Variants in LSG1 observed in about 807,000 individuals in gnomAD.
The protein encoded by LSG1 is large 60S subunit nuclear export GTPase 1, also known as large subunit GTPase 1 homolog.
Under a neutral mutation model 82.6 loss-of-function variants are expected in LSG1, and 55 were observed. The observed-to-expected ratio is 0.67, with a 90% confidence interval of 0.54 to 0.83. LSG1 has a LOEUF of 0.83. Among genes scored for constraint, LSG1 ranks in the 40% least tolerant of loss-of-function variants. The pLI, the probability that LSG1 is intolerant of heterozygous loss-of-function variation, is 0.00. For missense variants in LSG1, 809 were observed against 807.9 expected, an observed-to-expected ratio of 1.00 and a Z score of -0.02; for synonymous variants, 272 against 282.5, an observed-to-expected ratio of 0.96 and a Z score of 0.37.
chr3:194,661,497 AGG>A (rs768796488), intron 5 of LSG1, among the ~76,000 whole-genome samples: 6 of 152,234 alleles, frequency 3.9e-5, no homozygotes, highest in Non-Finnish European at 8.8e-5. Context: ...ATGTAGCAGG[AGG>A]GGTCTACACA....
intron 7 of LSG1, 23 bp from the exon 8 acceptor site, chr3:194,653,165 C>A: frequency 1.2e-6 from 2 of 1,601,902 alleles, no homozygotes; most frequent in South Asian, 2.2e-5. Flanking sequence ...TAGAAACGCT[C>A]AGAAGTATAT....
intron 5 of LSG1, among the ~76,000 whole-genome samples, chr3:194,664,388 T>C (rs1718991486): frequency 6.6e-6 from 1 of 152,248 alleles, no homozygotes; most frequent in Non-Finnish European, 1.5e-5. Flanking sequence ...TGAAGGGTCC[T>C]TGTTGAAAAC....
intron 12 of LSG1, chr3:194,645,495 T>TACATACAC (rs1228412103): frequency 4.7e-4 from 29 of 62,028 alleles, no homozygotes; most frequent in African/African-American, 2.0e-3. Flanking sequence ...AGCTTAGTGC[T>TACATACAC]ACACACACAC....
At chr3:194,665,447 T>A in intron 5 of LSG1, 110 bp downstream of exon 5, 1 of 668,232 alleles carries the variant, frequency 1.5e-6, no homozygotes, top group Non-Finnish European at 2.6e-6. Context: ...TCAGTAACCC[T>A]CTGCATAGCT....
rs773586558 is a variant in LSG1 at position 194,651,017 on chromosome 3, T to C, written c.1283A>G (p.Tyr428Cys). 4.3e-6 allele frequency: 7 copies of C among 1,613,790 alleles called. No homozygotes were observed. The highest frequency in any genetic ancestry group is 2.2e-5 in the East Asian group (1 of 44,884). Reference protein sequence around the residue: ...PGHTKHFQTLYVEPGLCLCDC... With the variant: ...PGHTKHFQTLCVEPGLCLCDC... ...ACACAGGCAGAGGCCAGGCTCCACA[T>C]AGAGAGTCTGGAAGACAAGCAAGAG... Residue 428 changes from tyrosine to cysteine, a missense_variant, in exon 10 of 14, where the codon TAT becomes TGT. Transcript: ENST00000265245.
At chr3:194,665,532 T>C (rs1357446521) in intron 5 of LSG1, 25 bp downstream of exon 5, 1 of 1,565,730 alleles carries the variant, frequency 6.4e-7, no homozygotes, top group Non-Finnish European at 8.8e-7. Flanking sequence ...ATGTCTTTAT[T>C]ACACAAAAGA....
intron 5 of LSG1, among the ~76,000 whole-genome samples, chr3:194,660,560 C>T (rs1254702521): frequency 6.6e-6 from 1 of 152,168 alleles, no homozygotes; most frequent in South Asian, 2.1e-4. Context: ...CCTAATCTGC[C>T]CTCATGTTAA....
intron 10 of LSG1, among the ~76,000 whole-genome samples, chr3:194,649,412 G>GGT (rs1436918258): frequency 7.2e-5 from 11 of 152,034 alleles, no homozygotes; most frequent in Non-Finnish European, 1.6e-4. Flanking sequence ...GGCCAGGCGT[G>GGT]GTGGCTCACG....
chr3:194,649,848 AAAC>A, intron 10 of LSG1, among the ~76,000 whole-genome samples: 1 of 152,258 alleles, frequency 6.6e-6, no homozygotes, highest in East Asian at 1.9e-4. Flanking sequence ...AGTATCTACA[AAAC>A]AATAATAGAC....
chr3:194,656,493 A>G (rs1352393855), intron 7 of LSG1, among the ~76,000 whole-genome samples: 2 of 151,928 alleles, frequency 1.3e-5, no homozygotes, highest in Admixed American at 1.3e-4. Context: ...AAAAGTCAGG[A>G]AACAACAGGT....
In LSG1 at chr3:194,641,819, T is replaced by C. The variant is rs186206462; in HGVS notation, c.*249A>G. 1,245 of 358,966 alleles carry C rather than the reference T, an allele frequency of 3.5e-3. 10 individuals are homozygous for C. Among genetic ancestry groups the C allele is most frequent in the Non-Finnish European group, 4.0e-3 (797 of 200,726 alleles). The allele number at this position is 358,966 out of a possible 1,614,324, so 22.2% of individuals were successfully genotyped here. A position where few individuals can be genotyped will look rare whatever the true frequency, so the allele number is the denominator to read the frequency against. On this transcript the variant is annotated 3_prime_UTR_variant, in exon 14 of 14. Coordinates refer to ENST00000265245, the MANE Select transcript of LSG1 (RefSeq NM_018385.3). Reference sequence around the variant, plus strand: ...TTAGTAGAGACGGGGTTTCTCCATGTTGGTGCGTGAGCCACTGTGCCCGGC... The same window carrying C: ...TTAGTAGAGACGGGGTTTCTCCATGCTGGTGCGTGAGCCACTGTGCCCGGC...
rs760513668 is a variant in LSG1, at chr3:194,672,111, G to A, written c.52C>T (p.Arg18Cys). The change falls in exon 1 of 14, where the codon CGC becomes TGC. Residue 18 changes from arginine to cysteine, a missense_variant. Coordinates refer to ENST00000265245, the MANE Select transcript of LSG1 (RefSeq NM_018385.3). ...CTTCGGCTCCGCTGAGTCTGATGGC[G>A]CATAAGGGCCCGTCCCAGCGACCCA... ...AGGSLGRALMRHQTQRSRSHR... is the reference protein window; with the variant it reads ...AGGSLGRALMCHQTQRSRSHR... 6 of 1,609,528 alleles carry A rather than the reference G, an allele frequency of 3.7e-6. No homozygotes were observed. The Admixed American group carries it at 5.0e-5, about 13-fold the overall frequency.
At chr3:194,661,508 C>T (rs549976133) in intron 5 of LSG1, among the ~76,000 whole-genome samples, 30 of 152,328 alleles carry the variant, frequency 2.0e-4, no homozygotes, top group African/African-American at 7.0e-4. Flanking sequence ...GGGGTCTACA[C>T]AGCACAATGG....
intron 7 of LSG1, among the ~76,000 whole-genome samples, chr3:194,656,170 G>C (rs9877156): frequency 0.61 from 92,144 of 150,474 alleles, 29,716 homozygotes; most frequent in East Asian, 0.87. Context: ...TTAAACTAAA[G>C]AGCTTCTGCA....
At chr3:194,642,581 T>C (rs1718422986) in intron 13 of LSG1, among the ~76,000 whole-genome samples, 1 of 151,606 alleles carries the variant, frequency 6.6e-6, no homozygotes, top group Non-Finnish European at 1.5e-5. Context: ...TAAACAAATT[T>C]TAAGTTTACT....
At chr3:194,651,048 A>T in intron 9 of LSG1, 24 bp from the exon 10 acceptor site, 1 of 1,614,044 alleles carries the variant, frequency 6.2e-7, no homozygotes, top group East Asian at 2.2e-5. Context: ...AAGAGGTTTG[A>T]GCTGGGTATA....
chr3:194,663,032 G>A (rs1226582815), intron 5 of LSG1, among the ~76,000 whole-genome samples: 1 of 152,024 alleles, frequency 6.6e-6, no homozygotes, highest in Admixed American at 6.6e-5. Flanking sequence ...AAAAAGAAAA[G>A]GAACAAAGAG....
In LSG1 at chr3:194,653,135, G is replaced by C; in HGVS notation, c.767C>G (p.Ala256Gly). ...IPLNGDSEEE[A>G]NRDDRQSNTT... ...GTTGCTTTGTCTATCATCTCTGTTT[G>C]CCTCTTCCTGACAAAATAATAGAAA... Residue 256 changes from alanine (A) to glycine (G), a missense_variant, in exon 8 of 14, where the codon GCA becomes GGA. Physicochemically the swap from Ala to Gly is moderately conservative, Grantham distance 60. Transcript: ENST00000265245. 2 of 1,612,660 alleles carry C rather than the reference G, an allele frequency of 1.2e-6. No homozygotes were observed. Among genetic ancestry groups the C allele is most frequent in the Non-Finnish European group, 1.7e-6 (2 of 1,179,076 alleles).
chr3:194,662,934 C>T (rs546787777), intron 5 of LSG1, among the ~76,000 whole-genome samples: 27 of 152,284 alleles, frequency 1.8e-4, no homozygotes, highest in African/African-American at 3.9e-4. Context: ...GCTTGTCAAC[C>T]GGCTTTGTAA....
Sources: gnomAD v4.1 joint callset for allele counts (sites outside exome capture counted in the v4.1 genomes callset) on GRCh38, gnomAD v4.1.1 for gene constraint, MANE v1.5 for transcripts, NCBI Gene and HGNC (gene_info 2026-07-23, HGNC 2026-07-21) for gene names.